TNFAIP2: variants seen among roughly 807,000 people sequenced by gnomAD.
The protein encoded by TNFAIP2 is TNF alpha induced protein 2.
Under a neutral mutation model 63.5 loss-of-function variants are expected in TNFAIP2, and 47 were observed. The observed-to-expected ratio is 0.74, with a 90% CI of 0.59 to 0.94. The LOEUF (loss-of-function observed/expected upper bound fraction) is 0.94, where lower values mean the gene tolerates loss of function less well. Among genes scored for constraint, TNFAIP2 ranks in the 40% least tolerant of loss-of-function variants. The probability of loss-of-function intolerance (pLI) is 0.00; values close to 1 mark genes in which losing one functional copy is unlikely to be tolerated. For synonymous variants in TNFAIP2, 405 were observed against 390.2 expected (o/e 1.04, Z -0.45); for missense variants, 787 against 850.2 (o/e 0.93, Z 0.92).
upstream of TNFAIP2, chr14:103,122,522 G>A (rs1174060685): frequency 7.8e-6 from 3 of 383,660 alleles, no homozygotes; most frequent in East Asian, 2.2e-4. Flanking sequence ...TGTGAAATAA[G>A]GAAGGAAGTG....
intron 3 of TNFAIP2, among the ~76,000 whole-genome samples, chr14:103,129,450 G>A (rs1290637334): frequency 7.9e-5 from 12 of 151,618 alleles, no homozygotes; most frequent in East Asian, 3.9e-4. Context: ...CGGCCAGGGC[G>A]CCAGAGTGGC....
At chr14:103,122,070 A>G (rs1891127471), upstream of TNFAIP2, among the ~76,000 whole-genome samples, 1 of 152,096 alleles carries the variant, frequency 6.6e-6, no homozygotes, top group Non-Finnish European at 1.5e-5. Context: ...CAGCCCCGGG[A>G]CACCGCGGCT....
chr14:103,132,980 A>G (rs2088010299), intron 9 of TNFAIP2, 108 bp downstream of exon 9: 8 of 1,502,978 alleles, frequency 5.3e-6, no homozygotes, highest in Non-Finnish European at 7.2e-6. Context: ...ACACGCGCAC[A>G]TGTGAACACA....
At chr14:103,123,190 G>C (rs1171197935), upstream of TNFAIP2, among the ~76,000 whole-genome samples, 1 of 151,868 alleles carries the variant, frequency 6.6e-6, no homozygotes, top group Non-Finnish European at 1.5e-5. Context: ...CGTCGTCCCC[G>C]TGCCGTCCCC....
upstream of TNFAIP2, chr14:103,123,380 C>CGGCGGGGCGGGGAAGGAGGGGCG (rs1219381425): frequency 7.9e-5 from 12 of 151,904 alleles, no homozygotes; most frequent in East Asian, 3.9e-4. Context: ...TCCGCGGTTG[C>CGGCGGGGCGGGGAAGGAGGGGCG]GGCGGGGCGG....
chr14:103,126,721 T>C, intron 2 of TNFAIP2, 29 bp downstream of exon 2: 14 of 1,551,560 alleles, frequency 9.0e-6, no homozygotes, highest in Non-Finnish European at 1.1e-5. Context: ...TTAGAGCTAG[T>C]CTGGGGCCTG....
chr14:103,127,333 G>C lies in TNFAIP2; in HGVS notation c.564G>C (p.Gln188His). ...LAATRPRRWL[Q>H]LWRRGVAEAA... ...CCACGCGCCCGCGGCGCTGGCTGCA[G>C]CTGTGGCGGCGCGGCGTGGCGGAGG... Residue 188 changes from glutamine to histidine, a missense_variant, in exon 3 of 12, where the codon CAG (glutamine) becomes CAC (histidine). Around this residue, in one of 3 missense-constraint regions of TNFAIP2, gnomAD observed 258 missense variants for 228.9 expected, o/e 1.13. Transcript: ENST00000560869. This position sits in a 1 kb window ranked among gnomAD's most constrained non-coding sequence, Gnocchi z 5.1. 1 of 1,117,020 alleles carries C rather than the reference G, an allele frequency of 9.0e-7. No homozygotes were observed. The highest frequency in any genetic ancestry group is 3.2e-5 in the South Asian group (1 of 30,954). 69.2% of individuals were successfully genotyped at this position (1,117,020 alleles called of 1,614,324 possible).
At position 103,126,421 on chromosome 14, in the gene TNFAIP2, G is replaced by A; in HGVS notation, c.-37G>A. On this transcript the variant is annotated 5_prime_UTR_variant, in exon 2 of 12. Transcript: ENST00000560869. ...TCGACTTGCCTAGAGGCCCCCAAAA[G>A]TTGCAGTCCACATCAGAGGCAGAGT... The A allele has an allele frequency of 6.7e-7, 1 of 1,503,482 alleles. No individual in the cohort carries two copies. The highest frequency in any genetic ancestry group is 1.8e-4 in the Middle Eastern group (1 of 5,680). The allele number at this position is 1,503,482 out of a possible 1,614,324, so 93.1% of individuals were successfully genotyped here.
Position 103,127,153 on chromosome 14 carries a change from G to C in TNFAIP2, c.384G>C (p.Leu128=). 1.8e-6 allele frequency: 2 copies of C among 1,117,868 alleles called. No individual in the cohort carries two copies. The allele number at this position is 1,117,868 out of a possible 1,614,324, so 69.2% of individuals were successfully genotyped here. The part of the protein sequence containing the change: ...LVRRQSKVEA[L]YELLRDQVLG... ...GGCGCCAGAGCAAGGTGGAGGCGCT[G>C]TACGAGCTGCTGCGCGACCAGGTGC... Residue 128 remains leucine (L), a synonymous_variant, in exon 3 of 12, where the codon CTG becomes CTC. Coordinates refer to ENST00000560869, the MANE Select transcript of TNFAIP2 (RefSeq NM_006291.4). The surrounding 1 kb of genome is among the most constrained non-coding windows in gnomAD (Gnocchi z 5.1).
chr14:103,132,093 C>T (rs990548544), intron 8 of TNFAIP2, among the ~76,000 whole-genome samples: 1 of 151,934 alleles, frequency 6.6e-6, no homozygotes, highest in African/African-American at 2.4e-5. Flanking sequence ...ACTGCCCCTC[C>T]CCGATTCAGA....
chr14:103,129,951 G>A (rs372677943), intron 4 of TNFAIP2, 51 bp from the exon 5 acceptor site: 1 of 1,606,644 alleles, frequency 6.2e-7, no homozygotes, highest in Admixed American at 1.7e-5. Context: ...GGGTCTTCCA[G>A]GTGAGCGAGG....
chr14:103,125,154 G>C (rs1172440719), intron 1 of TNFAIP2, among the ~76,000 whole-genome samples: 1 of 152,262 alleles, frequency 6.6e-6, no homozygotes, highest in African/African-American at 2.4e-5. Context: ...CATGAGACAA[G>C]GCTGCATGCA....
At position 103,123,917 on chromosome 14, in the gene TNFAIP2, T is replaced by A. The variant is rs1337695318; in HGVS notation, c.-183T>A. 6.6e-6 allele frequency: 1 copy of A among 152,220 alleles called. No homozygotes were observed. Among genetic ancestry groups the A allele is most frequent in the African/African-American group, 2.4e-5 (1 of 41,374 alleles). The allele number at this position is 152,220 out of a possible 1,614,324, so 9.4% of individuals were successfully genotyped here. On this transcript the variant is annotated 5_prime_UTR_variant, in exon 1 of 12. Coordinates refer to ENST00000560869, the MANE Select transcript of TNFAIP2 (RefSeq NM_006291.4). ...GGGCCCAGCGAGCTCCCGGGAGGTG[T>A]GTGGACATCAGCCCTGACGGGGAAG...
chr14:103,122,828 T>C (rs1403457766), upstream of TNFAIP2: 2 of 454,922 alleles, frequency 4.4e-6, no homozygotes, highest in South Asian at 3.1e-5. Context: ...CTCCGCTACT[T>C]AAAGTGGTGT....
intron 3 of TNFAIP2, among the ~76,000 whole-genome samples, chr14:103,129,499 C>A (rs540169738): frequency 1.6e-5 from 1 of 62,366 alleles, no homozygotes; most frequent in African/African-American, 1.1e-4. Flanking sequence ...TGGAGCAGGA[C>A]CTAATGGGGG....
chr14:103,133,478 G>A lies in TNFAIP2; in HGVS notation c.1662G>A (p.Leu554=), dbSNP rs2088032429. The A allele has an allele frequency of 6.2e-7, 1 of 1,613,806 alleles. No homozygotes were observed. The highest frequency in any genetic ancestry group is 8.5e-7 in the Non-Finnish European group (1 of 1,180,038). ...EQQQQLAGYI[L]ANADTIQHFC... is the part of the protein sequence containing the mutation. ...AGCAGCAGCTGGCTGGGTACATCCT[G>A]GCCAATGCTGACACCATCCAGCACT... Residue 554 remains leucine (L), a synonymous_variant, in exon 10 of 12, where the codon CTG becomes CTA. Transcript: ENST00000560869.
At position 103,126,489 on chromosome 14, in the gene TNFAIP2, C is replaced by A; in HGVS notation, c.32C>A (p.Pro11Gln). ...GAGGCCTCCTCTGAGGACCTGGTGC[C>A]ACCCCTGGAGGCTGGGGCAGCCCCA... is the stretch of plus-strand genomic sequence containing the variant. MSEASSEDLVPPLEAGAAPYR... is the reference protein window; with the variant it reads MSEASSEDLVQPLEAGAAPYR... The change falls in exon 2 of 12, where the codon CCA becomes CAA. Residue 11 changes from proline (P) to glutamine (Q), a missense_variant. By Grantham distance (76) the Pro-to-Gln change is moderately conservative. Coordinates refer to ENST00000560869, the MANE Select transcript of TNFAIP2 (RefSeq NM_006291.4). The A allele has an allele frequency of 1.3e-6, 2 of 1,596,916 alleles. No individual in the cohort carries two copies. The highest frequency in any genetic ancestry group is 2.3e-5 in the South Asian group (2 of 88,532).
chr14:103,133,266 G>T, intron 9 of TNFAIP2, 96 bp from the exon 10 acceptor site: 1 of 1,467,800 alleles, frequency 6.8e-7, no homozygotes, highest in Non-Finnish European at 9.1e-7. Context: ...TCTGGCATCT[G>T]CCTCTCTCTG....
rs1473645251 is a variant in TNFAIP2, at chr14:103,127,383, G to C, written c.614G>C (p.Arg205Pro). ...GCGGCCGAGGAGCGCATGGGCCAGC[G>C]GCCGGCCGCGGGCGCCGAGGTCCCC... ...AEAAEERMGQ[R>P]PAAGAEVPES... Residue 205 changes from arginine to proline, a missense_variant, in exon 3 of 12, where the codon CGG becomes CCG. Transcript: ENST00000560869. This position sits in a 1 kb window ranked among gnomAD's most constrained non-coding sequence, Gnocchi z 5.1. The C allele has an allele frequency of 2.0e-6, 3 of 1,527,682 alleles. No homozygotes were observed. The highest frequency in any genetic ancestry group is 2.6e-6 in the Non-Finnish European group (3 of 1,143,156). The allele number at this position is 1,527,682 out of a possible 1,614,324, so 94.6% of individuals were successfully genotyped here.
Sources: allele counts gnomAD v4.1 joint callset (sites outside exome capture counted in the v4.1 genomes callset), GRCh38; gene constraint gnomAD v4.1.1; regional missense constraint gnomAD v4.1.1; non-coding constraint Gnocchi (gnomAD v3.1); transcripts MANE v1.5; gene names NCBI Gene and HGNC (gene_info 2026-07-23, HGNC 2026-07-21).